Variants in NELL1 observed in about 807,000 individuals in gnomAD.
NELL1 encodes neural EGFL like 1.
In NELL1, 76 loss-of-function variants were observed where a neutral mutation model predicts 107.4. The observed-to-expected ratio is 0.71, with a 90% CI of 0.59 to 0.86. The LOEUF (loss-of-function observed/expected upper bound fraction) is 0.86, where lower values mean the gene tolerates loss of function less well. Among genes scored for constraint, NELL1 ranks in the 40% least tolerant of loss-of-function variants. The pLI is 0.00. For synonymous variants in NELL1, 353 were observed against 341.2 expected (o/e 1.03, Z -0.38); for missense variants, 1,024 against 1,005.5 (o/e 1.02, Z -0.25).
chr11:20,855,205 A>G (rs1229248288), intron 4 of NELL1, among the ~76,000 whole-genome samples: 1 of 151,676 alleles, frequency 6.6e-6, no homozygotes, highest in Non-Finnish European at 1.5e-5. Context: ...GTGGGTTTAA[A>G]TATGCCTTTC....
intron 12 of NELL1, among the ~76,000 whole-genome samples, chr11:20,965,635 T>A (rs1191696452): frequency 6.6e-6 from 1 of 152,200 alleles, no homozygotes. Context: ...AAAAATGACC[T>A]GAATTGGTAT....
chr11:21,519,252 T>A lies in NELL1; in HGVS notation c.1646-15122T>A, dbSNP rs1855652499. Among the ~76,000 whole-genome samples the A allele has an allele frequency of 3.9e-5, 6 of 152,210 alleles. No individual in the cohort carries two copies. In the South Asian group the frequency reaches 1.2e-3, roughly 32 times the overall value. The stretch of plus-strand genomic sequence containing the variant: ...CTAGACAGATCACTGGGAAAAAGGA[T>A]GAAAATTCCATTATTATTATAGATA... On this transcript the variant is annotated intron_variant, in intron 15 of 19. Transcript: ENST00000357134.
chr11:21,178,834 G>A (rs754301870), intron 13 of NELL1, among the ~76,000 whole-genome samples: 35 of 151,696 alleles, frequency 2.3e-4, no homozygotes, highest in Non-Finnish European at 4.1e-4. Flanking sequence ...TCAACTTAAA[G>A]GATATTTTTG....
intron 13 of NELL1, among the ~76,000 whole-genome samples, chr11:21,117,961 C>T (rs531181719): frequency 1.3e-5 from 2 of 152,128 alleles, no homozygotes; most frequent in Admixed American, 6.6e-5. Flanking sequence ...GGACCAGAAA[C>T]ATTTGGCAAA....
At chr11:20,833,839 T>A (rs895076288) in intron 3 of NELL1, among the ~76,000 whole-genome samples, 4 of 152,134 alleles carry the variant, frequency 2.6e-5, no homozygotes, top group Non-Finnish European at 4.4e-5. Flanking sequence ...GATCGTGGTA[T>A]GTTTGAAGAC....
At chr11:20,763,125 T>C (rs990128851) in intron 2 of NELL1, among the ~76,000 whole-genome samples, 15 of 152,150 alleles carry the variant, frequency 9.9e-5, no homozygotes, top group Non-Finnish European at 1.9e-4. Flanking sequence ...ACACCATCCA[T>C]ATGCTCATGG....
intron 15 of NELL1, among the ~76,000 whole-genome samples, chr11:21,444,898 G>C (rs1372699297): frequency 6.6e-6 from 1 of 151,948 alleles, no homozygotes; most frequent in Non-Finnish European, 1.5e-5. Flanking sequence ...CTGGTAGTGT[G>C]TTTTAATTTA....
chr11:21,524,250 T>A (rs1361737564), intron 15 of NELL1, among the ~76,000 whole-genome samples: 2 of 152,106 alleles, frequency 1.3e-5, no homozygotes, highest in Non-Finnish European at 2.9e-5. Flanking sequence ...TCAGTAAAAT[T>A]AGAGCAATTC....
intron 9 of NELL1, among the ~76,000 whole-genome samples, chr11:20,932,054 T>G (rs1172215690): frequency 6.6e-6 from 1 of 152,098 alleles, no homozygotes; most frequent in African/African-American, 2.4e-5. Flanking sequence ...GGGAAGAAAT[T>G]TATCTAAGCA....
chr11:21,166,762 T>C (rs12791124), intron 13 of NELL1, among the ~76,000 whole-genome samples: 2,416 of 152,048 alleles, frequency 0.016, 61 homozygotes, highest in Admixed American at 0.061. Flanking sequence ...AAAGAGCATG[T>C]GACAATCTAA....
At chr11:21,279,989 T>C (rs770198842) in intron 14 of NELL1, among the ~76,000 whole-genome samples, 21 of 152,294 alleles carry the variant, frequency 1.4e-4, no homozygotes, top group Non-Finnish European at 2.4e-4. Context: ...ATTTCACTTA[T>C]ATGACATGAT....
At chr11:21,406,432 T>C (rs1236502526) in intron 15 of NELL1, among the ~76,000 whole-genome samples, 5 of 151,970 alleles carry the variant, frequency 3.3e-5, no homozygotes, top group African/African-American at 1.2e-4. Context: ...AGTAGATTAC[T>C]GAATGATTAT....
At chr11:21,360,801 G>A (rs1040775291) in intron 14 of NELL1, among the ~76,000 whole-genome samples, 1 of 151,992 alleles carries the variant, frequency 6.6e-6, no homozygotes, top group Admixed American at 6.6e-5. Flanking sequence ...CTCACTTTTG[G>A]TGTCCATTTG....
chr11:21,272,067 G>A lies in NELL1; in HGVS notation c.1549+42613G>A, dbSNP rs182819926. On this transcript the variant is annotated intron_variant, in intron 14 of 19. Coordinates refer to ENST00000357134, the MANE Select transcript of NELL1 (RefSeq NM_006157.5). ...TCGGAAAGTGGGTGCAGGACAGTGG[G>A]TGCAGTGCACCGAGCATGAGCCGAA... Among the ~76,000 whole-genome samples the A allele has an allele frequency of 4.7e-3, 716 of 152,322 alleles. 22 individuals are homozygous for A. Among genetic ancestry groups the A allele is most frequent in the Admixed American group, 0.045 (684 of 15,308 alleles).
intron 12 of NELL1, among the ~76,000 whole-genome samples, chr11:21,019,734 A>G (rs1852654589): frequency 6.6e-6 from 1 of 152,034 alleles, no homozygotes; most frequent in Non-Finnish European, 1.5e-5. Flanking sequence ...ACAATGATGT[A>G]TCTTATTTAA....
chr11:21,308,979 C>CT (rs1457495027), intron 14 of NELL1, among the ~76,000 whole-genome samples: 5 of 151,294 alleles, frequency 3.3e-5, no homozygotes, highest in Admixed American at 6.6e-5. Context: ...GTGGTGTTAA[C>CT]TTTCAGCTAA....
chr11:20,838,960 G>C (rs184023627), intron 3 of NELL1, among the ~76,000 whole-genome samples: 36 of 152,174 alleles, frequency 2.4e-4, no homozygotes, highest in South Asian at 8.3e-4. Context: ...TAGTGCCTTC[G>C]GCTTGGTTGC....
At chr11:21,475,109 A>G (rs1854292680) in intron 15 of NELL1, among the ~76,000 whole-genome samples, 1 of 152,166 alleles carries the variant, frequency 6.6e-6, no homozygotes, top group African/African-American at 2.4e-5. Context: ...AAAAGGAAAA[A>G]AAAGCTAAAA....
At chr11:20,847,541 C>G in intron 3 of NELL1, 42 bp from the exon 4 acceptor site, 1 of 1,584,666 alleles carries the variant, frequency 6.3e-7, no homozygotes, top group Non-Finnish European at 8.6e-7. Context: ...GCTGTGATAT[C>G]CAGAACTAAA....
Sources: allele counts gnomAD v4.1 joint callset (sites outside exome capture counted in the v4.1 genomes callset), GRCh38; gene constraint gnomAD v4.1.1; transcripts MANE v1.5; gene names NCBI Gene and HGNC (gene_info 2026-07-23, HGNC 2026-07-21).